Variants in CACNB2 observed in about 807,000 individuals in gnomAD.
CACNB2 encodes calcium voltage-gated channel auxiliary subunit beta 2.
CACNB2 carries 42 observed loss-of-function variants against 73.3 expected under a neutral mutation model. That is an observed-to-expected ratio of 0.57 (90% CI 0.45 to 0.74). The LOEUF (loss-of-function observed/expected upper bound fraction) is 0.74, where lower values mean the gene tolerates loss of function less well. CACNB2 is among the 30% of genes least tolerant of loss of function. The pLI is 0.00. For synonymous variants in CACNB2, 348 were observed against 310.3 expected, an observed-to-expected ratio of 1.12 and a Z score of -1.28; for missense variants, 940 against 853.0, an observed-to-expected ratio of 1.10 and a Z score of -1.27.
chr10:18,214,878 C>G (rs936050701), intron 2 of CACNB2, among the ~76,000 whole-genome samples: 1 of 152,134 alleles, frequency 6.6e-6, no homozygotes, highest in African/African-American at 2.4e-5. Flanking sequence ...TGTGTACTGG[C>G]TGAATGTCCC....
rs1361659633 is a variant in CACNB2, at chr10:18,140,481, A to G, written c.-256A>G. 6.6e-6 allele frequency among the ~76,000 whole-genome samples: 1 copy of G among 151,330 alleles called. No homozygotes were observed. The highest frequency in any genetic ancestry group is 1.5e-5 in the Non-Finnish European group (1 of 67,768). ...GCCCCGCTGAGGGCTCCCCTCTCCCAGGCACCGCAGCCGCGCCCCCGCGTC... is the reference window on the plus strand; with the variant it reads ...GCCCCGCTGAGGGCTCCCCTCTCCCGGGCACCGCAGCCGCGCCCCCGCGTC... On this transcript the variant is annotated 5_prime_UTR_variant, in exon 1 of 14. Transcript: ENST00000324631.
At chr10:18,491,600 T>C (rs2049428915) in intron 3 of CACNB2, among the ~76,000 whole-genome samples, 3 of 151,916 alleles carry the variant, frequency 2.0e-5, no homozygotes, top group South Asian at 2.1e-4. Context: ...AAAAACAATC[T>C]GGTAGGCTTC....
chr10:18,211,784 C>T (rs1369415584), intron 2 of CACNB2, among the ~76,000 whole-genome samples: 2 of 152,100 alleles, frequency 1.3e-5, no homozygotes, highest in African/African-American at 4.8e-5. Flanking sequence ...CATTTTCATG[C>T]AGTAGAGTAT....
At chr10:18,209,934 T>A (rs536717725) in intron 2 of CACNB2, among the ~76,000 whole-genome samples, 1 of 152,148 alleles carries the variant, frequency 6.6e-6, no homozygotes, top group Non-Finnish European at 1.5e-5. Context: ...CAAAAGCTCC[T>A]TGGTGGATGT....
chr10:18,539,438 C>T lies in CACNB2; in HGVS notation c.1697C>T (p.Ala566Val), dbSNP rs973104456. 6.2e-7 allele frequency: 1 copy of T among 1,613,998 alleles called. No homozygotes were observed. Among genetic ancestry groups the T allele is most frequent in the Non-Finnish European group, 8.5e-7 (1 of 1,179,982 alleles). Residue 566 changes from alanine to valine, a missense_variant, in exon 14 of 14, where the codon GCC becomes GTC. Ala to Val is a moderately conservative substitution (Grantham distance 64). Coordinates refer to ENST00000324631, the MANE Select transcript of CACNB2 (RefSeq NM_201596.3). ...GAAACCCAGGAGAGTCGAGACTCTG[C>T]CTACGTAGAGCCAAAGGAAGATTAT... ...DSETQESRDSAYVEPKEDYSH... is the reference protein window; with the variant it reads ...DSETQESRDSVYVEPKEDYSH...
At chr10:18,194,173 T>C (rs2034527975) in intron 2 of CACNB2, among the ~76,000 whole-genome samples, 1 of 152,190 alleles carries the variant, frequency 6.6e-6, no homozygotes, top group African/African-American at 2.4e-5. Context: ...TCTGAGTCCC[T>C]GCTCTTCCAG....
At chr10:18,520,132 T>C (rs547779240) in intron 9 of CACNB2, 2 of 191,962 alleles carry the variant, frequency 1.0e-5, no homozygotes, top group South Asian at 2.2e-4. Context: ...TTTGCCAGTC[T>C]TTCCTCTAAA....
intron 3 of CACNB2, among the ~76,000 whole-genome samples, chr10:18,428,273 G>T (rs1171672147): frequency 6.6e-6 from 1 of 151,880 alleles, no homozygotes; most frequent in Non-Finnish European, 1.5e-5. Flanking sequence ...GCATTTACTC[G>T]TCTTACTTTG....
intron 2 of CACNB2, among the ~76,000 whole-genome samples, chr10:18,218,116 C>A (rs2035586153): frequency 6.6e-6 from 1 of 152,072 alleles, no homozygotes; most frequent in East Asian, 1.9e-4. Context: ...TCACAAAGGC[C>A]TGAGGCAGAC....
At chr10:18,251,284 G>T (rs753446960) in intron 2 of CACNB2, among the ~76,000 whole-genome samples, 1 of 150,000 alleles carries the variant, frequency 6.7e-6, no homozygotes, top group African/African-American at 2.5e-5. Flanking sequence ...TCACTCTGTC[G>T]CCCAGGCTGG....
intron 6 of CACNB2, among the ~76,000 whole-genome samples, chr10:18,509,565 G>A (rs1469672192): frequency 6.6e-6 from 1 of 152,184 alleles, no homozygotes; most frequent in Admixed American, 6.5e-5. Flanking sequence ...TTGGGAGGCT[G>A]AGGCAGGAGG....
At chr10:18,516,206 T>C (rs2051263099) in intron 7 of CACNB2, among the ~76,000 whole-genome samples, 1 of 149,578 alleles carries the variant, frequency 6.7e-6, no homozygotes, top group South Asian at 2.1e-4. Context: ...CAGAGCTAGA[T>C]AACTCTGTCT....
chr10:18,279,837 T>C (rs940678760), intron 2 of CACNB2, among the ~76,000 whole-genome samples: 1 of 152,190 alleles, frequency 6.6e-6, no homozygotes, highest in African/African-American at 2.4e-5. Flanking sequence ...CCCAGCACTT[T>C]GGGAGGCTGA....
intron 2 of CACNB2, among the ~76,000 whole-genome samples, chr10:18,361,564 A>G (rs1033746598): frequency 1.3e-5 from 2 of 149,406 alleles, no homozygotes; most frequent in South Asian, 4.2e-4. Flanking sequence ...CTTATCATAC[A>G]TTTCTCCACG....
chr10:18,538,343 C>T lies in CACNB2; in HGVS notation c.1466C>T (p.Pro489Leu). 6.2e-7 allele frequency: 1 copy of T among 1,613,630 alleles called. No homozygotes were observed. Among genetic ancestry groups the T allele is most frequent in the South Asian group, 1.1e-5 (1 of 91,070 alleles). The change falls in exon 13 of 14, where the codon CCC becomes CTC. Residue 489 changes from proline (P) to leucine (L), a missense_variant. By Grantham distance (98) the Pro-to-Leu change is moderately conservative. Transcript: ENST00000324631. ...GCCACTTCAAGTCTGCCTCTTAGCC[C>T]CACCCTAGCCTCTAATTCACAGGTA... ...TLATSSLPLSPTLASNSQGSQ... is the reference protein window; with the variant it reads ...TLATSSLPLSLTLASNSQGSQ...
intron 2 of CACNB2, among the ~76,000 whole-genome samples, chr10:18,233,302 T>C (rs1034750138): frequency 1.3e-5 from 2 of 152,126 alleles, no homozygotes; most frequent in African/African-American, 4.8e-5. Flanking sequence ...TGCTTGAGGA[T>C]GGGACACTTA....
chr10:18,361,283 G>A (rs376227255), intron 2 of CACNB2, among the ~76,000 whole-genome samples: 1 of 151,202 alleles, frequency 6.6e-6, no homozygotes, highest in Non-Finnish European at 1.5e-5. Context: ...CTTGAGCCCA[G>A]GAGTCCAAGA....
rs945711009 is a variant in CACNB2, at chr10:18,541,338, G to A, written c.*1614G>A. On this transcript the variant is annotated 3_prime_UTR_variant, in exon 14 of 14. Transcript: ENST00000324631. ...TACATAAGACATGTACACAGAAGGG[G>A]AACCTTGAAGACATTATCTCCATGC... is the stretch of plus-strand genomic sequence containing the variant. The A allele has an allele frequency of 4.6e-5, 7 of 152,596 alleles. No individual in the cohort carries two copies. The highest frequency in any genetic ancestry group is 1.7e-4 in the African/African-American group (7 of 41,440). 9.5% of individuals were successfully genotyped at this position (152,596 alleles called of 1,614,324 possible).
intron 1 of CACNB2, 77 bp downstream of exon 1, chr10:18,140,933 T>G: frequency 6.5e-7 from 1 of 1,540,044 alleles, no homozygotes; most frequent in Non-Finnish European, 8.7e-7. Flanking sequence ...TCCCGGCGCC[T>G]CCACTGCAGG....
Sources: gnomAD v4.1 joint callset for allele counts (sites outside exome capture counted in the v4.1 genomes callset) on GRCh38, gnomAD v4.1.1 for gene constraint, MANE v1.5 for transcripts, NCBI Gene and HGNC (gene_info 2026-07-23, HGNC 2026-07-21) for gene names.